Variants in SIRT1 observed in about 807,000 individuals in gnomAD.
SIRT1 encodes sirtuin 1, also known as NAD-dependent protein deacetylase sirtuin-1.
A neutral mutation model predicts 67.9 loss-of-function variants in SIRT1; 24 were observed. The ratio of observed to expected loss-of-function variants is 0.35; its 90% confidence interval spans 0.26 to 0.50. SIRT1 has a LOEUF of 0.50. Among genes scored for constraint, SIRT1 ranks in the 20% least tolerant of loss-of-function variants. SIRT1 has a pLI of 0.98. For synonymous variants in SIRT1, 378 were observed against 350.7 expected (o/e 1.08, Z -0.87); for missense variants, 873 against 937.2 (o/e 0.93, Z 0.89).
intron 3 of SIRT1, among the ~76,000 whole-genome samples, chr10:67,890,053 C>T (rs1458095571): frequency 6.6e-6 from 1 of 151,196 alleles, no homozygotes; most frequent in Non-Finnish European, 1.5e-5. Context: ...CATCATGGCT[C>T]ACTGCAGTCT....
rs7897909 is a variant in SIRT1, at chr10:67,916,677, G to A, written c.*84G>A. 2,358 of 1,116,122 alleles carry A rather than the reference G, an allele frequency of 2.1e-3. 40 individuals carry two copies. The African/African-American group carries it at 0.032, about 15-fold the overall frequency. The allele number at this position is 1,116,122 out of a possible 1,614,324, so 69.1% of individuals were successfully genotyped here. ...AAAATGAATGTTTACTTGTGAACTC[G>A]ATAGAGCAAGGAAACCAGAAAGGTG... On this transcript the variant is annotated 3_prime_UTR_variant, in exon 9 of 9. Transcript: ENST00000212015.
At chr10:67,909,048 A>G (rs1282857265) in intron 6 of SIRT1, among the ~76,000 whole-genome samples, 1 of 152,202 alleles carries the variant, frequency 6.6e-6, no homozygotes, top group African/African-American at 2.4e-5. Flanking sequence ...CTACATAGAT[A>G]TTATAACAAG....
chr10:67,895,982 TC>T (rs1263812006), intron 4 of SIRT1, among the ~76,000 whole-genome samples: 4 of 152,032 alleles, frequency 2.6e-5, no homozygotes, highest in Non-Finnish European at 4.4e-5. Flanking sequence ...CCTCAGGTGA[TC>T]CGCCCGCCTA....
chr10:67,911,611 CCCCCT>C (rs901429244), intron 7 of SIRT1, among the ~76,000 whole-genome samples: 5 of 135,822 alleles, frequency 3.7e-5, no homozygotes, highest in African/African-American at 5.4e-5. Flanking sequence ...TTTTCCCTCC[CCCCCT>C]CCCCTCCCTC....
intron 4 of SIRT1, among the ~76,000 whole-genome samples, chr10:67,903,485 C>T (rs975235906): frequency 1.3e-5 from 2 of 151,404 alleles, no homozygotes; most frequent in African/African-American, 2.4e-5. Flanking sequence ...CCTGGGTTCA[C>T]GCCATTCTCC....
intron 4 of SIRT1, among the ~76,000 whole-genome samples, chr10:67,895,733 GT>G (rs1297235964): frequency 1.2e-4 from 5 of 42,738 alleles, no homozygotes; most frequent in African/African-American, 2.5e-4. Flanking sequence ...GAATTAACTT[GT>G]TTTTTTTTTT....
chr10:67,916,628 CAGCATT>C lies in SIRT1; in HGVS notation c.*38_*43del, dbSNP rs746106660. 7 of 1,539,280 alleles carry C rather than the reference CAGCATT, an allele frequency of 4.5e-6. No homozygotes were observed. The highest frequency in any genetic ancestry group is 2.7e-6 in the Non-Finnish European group (3 of 1,129,670). On this transcript the variant is annotated 3_prime_UTR_variant, in exon 9 of 9. Transcript: ENST00000212015. Reference sequence around the variant, plus strand: ...TGTGCAGGTACAGGAATTGTTCCACCAGCATTAGGAACTTTAGCATGTCAAAATGAA... The same window carrying C: ...TGTGCAGGTACAGGAATTGTTCCACCAGGAACTTTAGCATGTCAAAATGAA...
At chr10:67,885,366 GC>G in intron 1 of SIRT1, 1 of 1,232,940 alleles carries the variant, frequency 8.1e-7, no homozygotes, top group Non-Finnish European at 1.0e-6. Context: ...TCCGTGGCCC[GC>G]CTGGGCGGCC....
chr10:67,914,957 C>A (rs1307338555), intron 8 of SIRT1, among the ~76,000 whole-genome samples: 3 of 150,782 alleles, frequency 2.0e-5, no homozygotes, highest in African/African-American at 7.3e-5. Context: ...AACTCCTGGG[C>A]TCAAGCAGTC....
At chr10:67,904,890 C>T (rs1004477921) in intron 4 of SIRT1, among the ~76,000 whole-genome samples, 1 of 151,380 alleles carries the variant, frequency 6.6e-6, no homozygotes, top group Non-Finnish European at 1.5e-5. Context: ...CAAAAATGTC[C>T]CTTATGATTT....
chr10:67,901,738 C>T (rs1222721260), intron 4 of SIRT1, among the ~76,000 whole-genome samples: 2 of 152,176 alleles, frequency 1.3e-5, no homozygotes, highest in Non-Finnish European at 2.9e-5. Flanking sequence ...CAGGGGTTGG[C>T]GTACTATGGC....
At chr10:67,894,404 T>C (rs1487058227) in intron 4 of SIRT1, among the ~76,000 whole-genome samples, 5 of 152,192 alleles carry the variant, frequency 3.3e-5, no homozygotes, top group Admixed American at 6.6e-5. Flanking sequence ...TATGGATTAG[T>C]GAAGATTTAC....
In SIRT1 at chr10:67,884,823, C is replaced by T. The variant is rs1284896667; in HGVS notation, c.102C>T (p.Arg34=). Residue 34 remains arginine (R), a synonymous_variant, in exon 1 of 9, where the codon CGC becomes CGT. Coordinates refer to ENST00000212015, the MANE Select transcript of SIRT1 (RefSeq NM_012238.5). ...CGTCCCCCGCCGGGGAGCCGCTCCG[C>T]AAGAGGCCGCGGAGAGATGGTCCCG... ...AASSPAGEPL[R]KRPRRDGPGL... is the part of the protein sequence containing the mutation. 2 of 1,224,438 alleles carry T rather than the reference C, an allele frequency of 1.6e-6. No homozygotes were observed. Among genetic ancestry groups the T allele is most frequent in the Non-Finnish European group, 2.0e-6 (2 of 983,340 alleles). 75.8% of individuals were successfully genotyped at this position (1,224,438 alleles called of 1,614,324 possible). A position where few individuals can be genotyped will look rare whatever the true frequency, so the allele number is the denominator to read the frequency against.
At chr10:67,893,924 A>G (rs752411670) in intron 4 of SIRT1, among the ~76,000 whole-genome samples, 2 of 152,336 alleles carry the variant, frequency 1.3e-5, no homozygotes, top group South Asian at 2.1e-4. Context: ...TGACTACAGG[A>G]GAAGCTTTGC....
chr10:67,916,790 C>CA lies in SIRT1; in HGVS notation c.*197_*198insA. The CA allele has an allele frequency of 1.5e-5, 4 of 273,804 alleles. No homozygotes were observed. The highest frequency in any genetic ancestry group is 2.0e-5 in the Non-Finnish European group (3 of 148,276). 17.0% of individuals were successfully genotyped at this position (273,804 alleles called of 1,614,324 possible). On this transcript the variant is annotated 3_prime_UTR_variant, in exon 9 of 9. Transcript: ENST00000212015. ...TGTACTTGTACAAACTCAACACTAACTTTTTTTTTTTTAAAAAAAAAAAGG... is the reference window on the plus strand; with the variant it reads ...TGTACTTGTACAAACTCAACACTAACATTTTTTTTTTTTAAAAAAAAAAAGG...
intron 1 of SIRT1, 103 bp downstream of exon 1, chr10:67,885,254 C>G: frequency 8.0e-7 from 1 of 1,250,428 alleles, no homozygotes; most frequent in Non-Finnish European, 1.0e-6. Flanking sequence ...GGGCAGGCTC[C>G]GCGGCGTTCC....
At chr10:67,908,901 CAAAT>C (rs1356719657) in intron 6 of SIRT1, among the ~76,000 whole-genome samples, 2 of 151,986 alleles carry the variant, frequency 1.3e-5, no homozygotes, top group Non-Finnish European at 2.9e-5. Context: ...GACTCCATCT[CAAAT>C]AAATAAAATG....
At chr10:67,915,187 T>C (rs972100491) in intron 8 of SIRT1, among the ~76,000 whole-genome samples, 1 of 152,174 alleles carries the variant, frequency 6.6e-6, no homozygotes, top group Non-Finnish European at 1.5e-5. Flanking sequence ...TGATGCAGTA[T>C]GAAAAAGTTC....
At position 67,885,157 on chromosome 10, in the gene SIRT1, C is replaced by T; in HGVS notation, c.430+6C>T. ...GGCGGCGATTGGGTACCGAGGTGCG[C>T]AGGGTGCGGGCGGCCGGAACTGCGC... On this transcript the variant is annotated splice_donor_region_variant and intron_variant, in intron 1 of 8. Coordinates refer to ENST00000212015, the MANE Select transcript of SIRT1 (RefSeq NM_012238.5). 1.4e-6 allele frequency: 2 copies of T among 1,390,716 alleles called. No individual in the cohort carries two copies. The highest frequency in any genetic ancestry group is 1.9e-6 in the Non-Finnish European group (2 of 1,064,198). The allele number at this position is 1,390,716 out of a possible 1,614,324, so 86.1% of individuals were successfully genotyped here.
Sources: allele counts gnomAD v4.1 joint callset (sites outside exome capture counted in the v4.1 genomes callset), GRCh38; gene constraint gnomAD v4.1.1; transcripts MANE v1.5; gene names NCBI Gene and HGNC (gene_info 2026-07-23, HGNC 2026-07-21).